The following FAXDC2 variants were observed in gnomAD, a reference collection of about 807,000 sequenced individuals.
FAXDC2 encodes the protein fatty acid hydroxylase domain containing 2, also known as fatty acid hydroxylase domain-containing protein 2.
A neutral mutation model predicts 40.9 loss-of-function variants in FAXDC2; 41 were observed. The ratio of observed to expected loss-of-function variants is 1.00; its 90% CI spans 0.78 to 1.30. FAXDC2 has a LOEUF of 1.30. Among genes scored for constraint, FAXDC2 ranks in the 50% most tolerant of loss-of-function variants. The pLI is 0.00. For missense variants in FAXDC2, 390 were observed against 408.8 expected (o/e 0.95, Z 0.40); for synonymous variants, 157 against 149.3 (o/e 1.05, Z -0.38).
At chr5:154,847,596 T>G (rs760582574) in intron 1 of FAXDC2, among the ~76,000 whole-genome samples, 1 of 150,690 alleles carries the variant, frequency 6.6e-6, no homozygotes, top group Non-Finnish European at 1.5e-5. Flanking sequence ...CAAGCGATTC[T>G]CCTGCCTCAG....
At chr5:154,825,381 C>CGG (rs1261578149) in intron 5 of FAXDC2, among the ~76,000 whole-genome samples, 2 of 124,656 alleles carry the variant, frequency 1.6e-5, no homozygotes, top group African/African-American at 3.1e-5. Flanking sequence ...AAAGGCAGGC[C>CGG]GGTGCTGTGG....
chr5:154,842,757 C>T (rs1760509742), intron 1 of FAXDC2, among the ~76,000 whole-genome samples: 1 of 150,830 alleles, frequency 6.6e-6, no homozygotes, highest in African/African-American at 2.4e-5. Context: ...GTCTCAATCT[C>T]CTGACCTCGT....
intron 1 of FAXDC2, among the ~76,000 whole-genome samples, chr5:154,839,486 A>AC (rs1760431247): frequency 6.7e-6 from 1 of 149,304 alleles, no homozygotes; most frequent in Non-Finnish European, 1.5e-5. Flanking sequence ...TCTACAAAAA[A>AC]TAAAAAAAAA....
At chr5:154,834,981 T>G in intron 2 of FAXDC2, 47 bp from the exon 3 acceptor site, 2 of 1,225,896 alleles carry the variant, frequency 1.6e-6, no homozygotes, top group Non-Finnish European at 2.4e-6. Context: ...CCTCCTGCCT[T>G]TACACCCAGC....
At position 154,821,268 on chromosome 5, in the gene FAXDC2, G is replaced by C. The variant is rs369631535; in HGVS notation, c.837C>G (p.His279Gln). ...FLPSPEFHDY[H>Q]HLKFNQCYGV... The stretch of plus-strand genomic sequence containing the variant: ...GGGGAGAAGGTCCTTACTTGAGATG[G>C]TGGTAGTCGTGGAATTCAGGCGAAG... Residue 279 changes from histidine to glutamine, a missense_variant, in exon 8 of 9, where the codon CAC (histidine) becomes CAG (glutamine). Transcript: ENST00000326080. 4 of 1,612,066 alleles carry C rather than the reference G, an allele frequency of 2.5e-6. No individual in the cohort carries two copies. Among genetic ancestry groups the C allele is most frequent in the Non-Finnish European group, 3.4e-6 (4 of 1,178,996 alleles).
In FAXDC2 at chr5:154,820,270, G is replaced by C; in HGVS notation, c.*46C>G. 6.7e-7 allele frequency: 1 copy of C among 1,494,108 alleles called. No individual in the cohort carries two copies. Among genetic ancestry groups the C allele is most frequent in the South Asian group, 1.3e-5 (1 of 77,812 alleles). 92.6% of individuals were successfully genotyped at this position (1,494,108 alleles called of 1,614,324 possible). ...TAGGTGCAATCAGGAAGCCGTGTCT[G>C]CATCCCATGGCTGAGGGACAGCCAG... On this transcript the variant is annotated 3_prime_UTR_variant, in exon 9 of 9. Transcript: ENST00000326080.
rs1455976672 is a variant in FAXDC2 at position 154,850,483 on chromosome 5, C to T, written c.-1G>A. 1 of 152,326 alleles carries T rather than the reference C, an allele frequency of 6.6e-6. No individual in the cohort carries two copies. The highest frequency in any genetic ancestry group is 2.4e-5 in the African/African-American group (1 of 41,440). 9.4% of individuals were successfully genotyped at this position (152,326 alleles called of 1,614,324 possible). A position where few individuals can be genotyped will look rare whatever the true frequency, so the allele number is the denominator to read the frequency against. ...CCCCTCCCCCGTAGTTCCCACTTAC[C>T]TCTGCAGTGGGCTGTGTCCAAGCTG... On this transcript the variant is annotated splice_region_variant and 5_prime_UTR_variant, in exon 1 of 9. Transcript: ENST00000326080.
At chr5:154,833,641 A>G (rs929183760) in intron 4 of FAXDC2, among the ~76,000 whole-genome samples, 1 of 151,624 alleles carries the variant, frequency 6.6e-6, no homozygotes, top group Non-Finnish European at 1.5e-5. Flanking sequence ...GGCGTGAGCC[A>G]CTGTGCCCAG....
At position 154,829,583 on chromosome 5, in the gene FAXDC2, C is replaced by T. The variant is rs544386757; in HGVS notation, c.366+1218G>A. ...CTTCTGCAGAATGCAATGACATCTT[C>T]CAATGTAGCTCTGTAGTCATTGTGT... is the stretch of plus-strand genomic sequence containing the variant. On this transcript the variant is annotated intron_variant, in intron 5 of 8. Transcript: ENST00000326080. 9 of 154,512 alleles carry T rather than the reference C, an allele frequency of 5.8e-5. No homozygotes were observed. The East Asian group carries it at 1.7e-3, about 30-fold the overall frequency. The allele number at this position is 154,512 out of a possible 1,614,324, so 9.6% of individuals were successfully genotyped here.
In FAXDC2 at chr5:154,838,119, G is replaced by A. The variant is rs778633125; in HGVS notation, c.48+12C>T. Reference sequence around the variant, plus strand: ...ATTCTCACCAGTTTGGGGGCAAGGTGCTGGCATTTACCTGCTTTGACTTTT... The same window carrying A: ...ATTCTCACCAGTTTGGGGGCAAGGTACTGGCATTTACCTGCTTTGACTTTT... On this transcript the variant is annotated intron_variant, in intron 2 of 8. Coordinates refer to ENST00000326080, the MANE Select transcript of FAXDC2 (RefSeq NM_032385.5). The A allele has an allele frequency of 6.3e-7, 1 of 1,588,512 alleles. No homozygotes were observed. The highest frequency in any genetic ancestry group is 8.6e-7 in the Non-Finnish European group (1 of 1,156,978).
chr5:154,836,658 T>TC (rs1760356531), intron 2 of FAXDC2, among the ~76,000 whole-genome samples: 1 of 150,330 alleles, frequency 6.7e-6, no homozygotes, highest in Non-Finnish European at 1.5e-5. Context: ...CTTTTTTACT[T>TC]TTTTTTTTAA....
intron 7 of FAXDC2, 122 bp from the exon 8 acceptor site, chr5:154,821,548 A>G: frequency 1.4e-6 from 1 of 690,216 alleles, no homozygotes; most frequent in Non-Finnish European, 2.3e-6. Flanking sequence ...GGAGAAGGTG[A>G]GAGTTTCGGG....
At chr5:154,820,499 T>G (rs1215117870) in intron 8 of FAXDC2, 27 bp from the exon 9 acceptor site, 1 of 1,582,318 alleles carries the variant, frequency 6.3e-7, no homozygotes, top group Non-Finnish European at 8.6e-7. Flanking sequence ...GGCACTGCAG[T>G]GCCCATGCTG....
At chr5:154,828,687 C>T (rs1449220700) in intron 5 of FAXDC2, among the ~76,000 whole-genome samples, 5 of 151,596 alleles carry the variant, frequency 3.3e-5, no homozygotes, top group Non-Finnish European at 7.4e-5. Context: ...GCCTTGAACT[C>T]CTAGGTTCAA....
At chr5:154,830,078 A>C (rs1484119940) in intron 5 of FAXDC2, among the ~76,000 whole-genome samples, 1 of 152,212 alleles carries the variant, frequency 6.6e-6, no homozygotes, top group African/African-American at 2.4e-5. Context: ...TGGGCAGATG[A>C]CTAAAAGATG....
chr5:154,848,064 C>G (rs984112384), intron 1 of FAXDC2, among the ~76,000 whole-genome samples: 1 of 152,128 alleles, frequency 6.6e-6, no homozygotes, highest in East Asian at 1.9e-4. Flanking sequence ...TGGTCTTGAT[C>G]TTCTGACCTT....
At position 154,830,815 on chromosome 5, in the gene FAXDC2, C is replaced by T. The variant is rs747293410; in HGVS notation, c.352G>A (p.Gly118Ser). 1.9e-5 allele frequency: 30 copies of T among 1,613,876 alleles called. No homozygotes were observed. The highest frequency in any genetic ancestry group is 1.5e-4 in the Admixed American group (9 of 59,990). ...NFISRYRIQV[G>S]KNEPVDPVKL... ...ACAACACTTACAGGTTCATTCTTGC[C>T]GACCTGAATTCGGTAGCGAGAGATG... is the stretch of plus-strand genomic sequence containing the variant. Residue 118 changes from glycine (G) to serine (S), a missense_variant, in exon 5 of 9, where the codon GGC becomes AGC. Gly to Ser is a moderately conservative substitution (Grantham distance 56). Coordinates refer to ENST00000326080, the MANE Select transcript of FAXDC2 (RefSeq NM_032385.5).
chr5:154,837,584 TCAAAC>T (rs1391522536), intron 2 of FAXDC2, among the ~76,000 whole-genome samples: 13 of 151,994 alleles, frequency 8.6e-5, no homozygotes, highest in Admixed American at 7.9e-4. Flanking sequence ...CTGAGTTTGA[TCAAAC>T]CAAATTAAGT....
At chr5:154,831,789 G>A (rs1030939342) in intron 4 of FAXDC2, among the ~76,000 whole-genome samples, 2 of 152,054 alleles carry the variant, frequency 1.3e-5, no homozygotes, top group Non-Finnish European at 2.9e-5. Flanking sequence ...AAGTAATAAA[G>A]TGAGAGAGTC....
Sources: allele counts gnomAD v4.1 joint callset (sites outside exome capture counted in the v4.1 genomes callset), GRCh38; gene constraint gnomAD v4.1.1; transcripts MANE v1.5; gene names NCBI Gene and HGNC (gene_info 2026-07-23, HGNC 2026-07-21).